Variants in IL1RAPL2 observed in about 807,000 individuals in gnomAD.
The protein encoded by IL1RAPL2 is interleukin 1 receptor accessory protein like 2, also known as X-linked interleukin-1 receptor accessory protein-like 2.
Under a neutral mutation model 44.1 loss-of-function variants are expected in IL1RAPL2, and 3 were observed. That is an observed-to-expected ratio of 0.07 (90% CI 0.03 to 0.18). The LOEUF (loss-of-function observed/expected upper bound fraction) is 0.18, where lower values mean the gene tolerates loss of function less well. IL1RAPL2 is among the 10% of genes least tolerant of loss of function. The pLI is 1.00. For missense variants in IL1RAPL2, 391 were observed against 496.4 expected (o/e 0.79, Z 2.02); for synonymous variants, 181 against 178.8 (o/e 1.01, Z -0.10).
chrX:104,692,124 G>T (rs1931100306), intron 2 of IL1RAPL2, among the ~76,000 whole-genome samples: 1 of 110,814 alleles, frequency 9.0e-6, no homozygotes, highest in African/African-American at 3.3e-5. Context: ...TTAAATTACT[G>T]GTGCCTCAGT....
chrX:104,650,915 T>C (rs1212295943), intron 1 of IL1RAPL2, among the ~76,000 whole-genome samples: 1 of 111,945 alleles, frequency 8.9e-6, no homozygotes. Flanking sequence ...CATAATTTAT[T>C]AATGTCATGA....
intron 1 of IL1RAPL2, chrX:104,647,416 C>T (rs1427837155): frequency 5.1e-6 from 3 of 588,661 alleles, no homozygotes; most frequent in South Asian, 2.2e-5. Flanking sequence ...CAAATCTGGC[C>T]CTCTCTGCTT....
At chrX:104,932,294 C>T (rs889949251) in intron 2 of IL1RAPL2, among the ~76,000 whole-genome samples, 2 of 110,109 alleles carry the variant, frequency 1.8e-5, no homozygotes, top group Non-Finnish European at 3.8e-5. Flanking sequence ...CCACCGCGCT[C>T]GGCCACTATG....
At chrX:105,463,570 CCACACACACACACA>C (rs55781747) in intron 5 of IL1RAPL2, among the ~76,000 whole-genome samples, 7 of 98,631 alleles carry the variant, frequency 7.1e-5, no homozygotes, top group Non-Finnish European at 1.0e-4. Flanking sequence ...TCTCTCTCTC[CCACACACACACACA>C]CACACACACA....
At chrX:104,889,287 G>T (rs1010333625) in intron 2 of IL1RAPL2, among the ~76,000 whole-genome samples, 1 of 111,292 alleles carries the variant, frequency 9.0e-6, no homozygotes, top group Non-Finnish European at 1.9e-5. Context: ...TCTCTCAAAA[G>T]GTTCCTAGTC....
At chrX:104,975,054 C>CT (rs371534042) in intron 2 of IL1RAPL2, among the ~76,000 whole-genome samples, 2 of 111,486 alleles carry the variant, frequency 1.8e-5, no homozygotes, top group Non-Finnish European at 3.8e-5. Context: ...TTGGCTATTT[C>CT]TTTTTTTTCA....
intron 5 of IL1RAPL2, among the ~76,000 whole-genome samples, chrX:105,379,185 AAG>A (rs967023700): frequency 8.9e-6 from 1 of 111,749 alleles, no homozygotes; most frequent in African/African-American, 3.2e-5. Context: ...CGGTAATTTC[AAG>A]AGAGAGTTAC....
Position 105,195,767 on chromosome X carries a change from C to T in IL1RAPL2, c.356+19C>T. ...TTTTAAGGTGAGTGTTGTGTGAAAA[C>T]ATTGCCCAATCACATGGCTGATAGT... On this transcript the variant is annotated intron_variant, in intron 3 of 10. Transcript: ENST00000372582. The T allele has an allele frequency of 8.3e-7, 1 of 1,204,795 alleles. No homozygotes were observed. Among genetic ancestry groups the T allele is most frequent in the East Asian group, 3.0e-5 (1 of 33,758 alleles).
At chrX:105,572,016 G>A (rs764394599) in intron 6 of IL1RAPL2, among the ~76,000 whole-genome samples, 7 of 111,371 alleles carry the variant, frequency 6.3e-5, no homozygotes, top group Middle Eastern at 9.3e-3. Context: ...TCAGGTTTTT[G>A]TAAATTTTAC....
chrX:104,972,794 A>G (rs922290387), intron 2 of IL1RAPL2, among the ~76,000 whole-genome samples: 5 of 111,794 alleles, frequency 4.5e-5, no homozygotes, highest in African/African-American at 1.6e-4. Flanking sequence ...GAAAAGAAAC[A>G]TTGTAGTCAA....
intron 5 of IL1RAPL2, among the ~76,000 whole-genome samples, chrX:105,323,405 G>A (rs1211170035): frequency 9.0e-6 from 1 of 111,518 alleles, no homozygotes; most frequent in Non-Finnish European, 1.9e-5. Context: ...GGCAAGGAGC[G>A]GTTAAGTCAG....
chrX:104,833,581 T>C (rs1238121490), intron 2 of IL1RAPL2, among the ~76,000 whole-genome samples: 1 of 112,056 alleles, frequency 8.9e-6, no homozygotes, highest in Non-Finnish European at 1.9e-5. Context: ...CATATGGTTC[T>C]ACCAGAAACC....
rs751914946 is a variant in IL1RAPL2, at chrX:105,588,750, A to G, written c.772+104363A>G. On this transcript the variant is annotated intron_variant, in intron 6 of 10. Coordinates refer to ENST00000372582, the MANE Select transcript of IL1RAPL2 (RefSeq NM_017416.2). ...TTTTCTTATGGCTGCATAATATTCC[A>G]TGGTATATATGTACCACATTTTTTA... Among the ~76,000 whole-genome samples the G allele has an allele frequency of 3.6e-5, 4 of 112,087 alleles. No homozygotes were observed. In the East Asian group the frequency reaches 1.1e-3, roughly 31 times the overall value.
chrX:104,875,475 A>T (rs1224864638), intron 2 of IL1RAPL2, among the ~76,000 whole-genome samples: 1 of 111,882 alleles, frequency 8.9e-6, no homozygotes, highest in Non-Finnish European at 1.9e-5. Flanking sequence ...AGACATAAGC[A>T]CAGGGTGCTG....
At chrX:105,511,417 T>C (rs1339867127) in intron 6 of IL1RAPL2, among the ~76,000 whole-genome samples, 2 of 111,442 alleles carry the variant, frequency 1.8e-5, no homozygotes, top group Non-Finnish European at 3.8e-5. Context: ...TTTTGTGCTG[T>C]CCTATATATA....
At chrX:105,252,603 G>A (rs1276491543) in intron 4 of IL1RAPL2, among the ~76,000 whole-genome samples, 1 of 111,660 alleles carries the variant, frequency 9.0e-6, no homozygotes, top group Non-Finnish European at 1.9e-5. Flanking sequence ...AGCTTCTTAA[G>A]CAATGTCTTT....
intron 6 of IL1RAPL2, among the ~76,000 whole-genome samples, chrX:105,703,205 G>C (rs768498575): frequency 9.0e-6 from 1 of 111,127 alleles, no homozygotes; most frequent in African/African-American, 3.3e-5. Flanking sequence ...AAGAATGCCT[G>C]GTCTATACCA....
At chrX:104,685,939 A>T (rs1324461419) in intron 2 of IL1RAPL2, among the ~76,000 whole-genome samples, 15 of 109,353 alleles carry the variant, frequency 1.4e-4, no homozygotes, top group African/African-American at 3.6e-4. Flanking sequence ...AAATAAATAA[A>T]TAATAAATAA....
intron 2 of IL1RAPL2, among the ~76,000 whole-genome samples, chrX:104,925,074 T>G (rs1243637840): frequency 9.1e-6 from 1 of 109,447 alleles, no homozygotes; most frequent in Non-Finnish European, 1.9e-5. Context: ...TGAATATCTC[T>G]ATGTGCACAA....
Sources: gnomAD v4.1 joint callset for allele counts (sites outside exome capture counted in the v4.1 genomes callset) on GRCh38, gnomAD v4.1.1 for gene constraint, MANE v1.5 for transcripts, NCBI Gene and HGNC (gene_info 2026-07-23, HGNC 2026-07-21) for gene names.